COL11A2: variants seen among roughly 807,000 people sequenced by gnomAD.
COL11A2 encodes the protein collagen type XI alpha 2 chain.
In COL11A2, 116 loss-of-function variants were observed where a neutral mutation model predicts 273.4. The observed-to-expected ratio is 0.42, with a 90% CI of 0.36 to 0.49. COL11A2 has a LOEUF of 0.49. Ranked by LOEUF, COL11A2 falls within the 20% of genes least tolerant of loss-of-function variation. The pLI is 0.00. For synonymous variants in COL11A2, 782 were observed against 864.2 expected (o/e 0.90, Z 1.67); for missense variants, 1,866 against 2,309.0 (o/e 0.81, Z 3.93).
intron 8 of COL11A2, among the ~76,000 whole-genome samples, chr6:33,181,914 ATCTC>A (rs933426449): frequency 1.1e-4 from 17 of 152,362 alleles, no homozygotes; most frequent in African/African-American, 4.1e-4. Flanking sequence ...TCATAAAAGA[ATCTC>A]TCTAAGATTG....
rs139969885 is a variant in COL11A2 at position 33,185,573 on chromosome 6, A to G, written c.876+128T>C. On this transcript the variant is annotated intron_variant, in intron 6 of 65. Coordinates refer to ENST00000341947, the MANE Select transcript of COL11A2 (RefSeq NM_080680.3). ...GACAGGGAGGGGGCAGGAACTAAGT[A>G]AATCCCCATAATCTAAACACACTGT... 0.01 allele frequency: 5,052 copies of G among 494,778 alleles called. 48 individuals carry two copies. Among genetic ancestry groups the G allele is most frequent in the Non-Finnish European group, 0.015 (3,593 of 245,606 alleles). The allele number at this position is 494,778 out of a possible 1,614,324, so 30.6% of individuals were successfully genotyped here.
rs980853833 is a variant in COL11A2 at position 33,179,297 on chromosome 6, AGAGAGGAT to A, written c.1504-21_1504-14del. 1 of 1,608,712 alleles carries A rather than the reference AGAGAGGAT, an allele frequency of 6.2e-7. No individual in the cohort carries two copies. ...TCCCAGGTTGGCCCTGGGAGAGAGAAGAGAGGATGGCCGTAAGGAAGGACACAGCCAAC... is the reference window on the plus strand; with the variant it reads ...TCCCAGGTTGGCCCTGGGAGAGAGAAGGCCGTAAGGAAGGACACAGCCAAC... On this transcript the variant is annotated splice_polypyrimidine_tract_variant and intron_variant, in intron 14 of 65. Coordinates refer to ENST00000341947, the MANE Select transcript of COL11A2 (RefSeq NM_080680.3). The surrounding 1 kb of genome is among the most constrained non-coding windows in gnomAD (Gnocchi z 6.4).
At position 33,192,373 on chromosome 6, in the gene COL11A2, G is replaced by A; in HGVS notation, c.-133C>T. 2.3e-6 allele frequency: 2 copies of A among 880,864 alleles called. No individual in the cohort carries two copies. The highest frequency in any genetic ancestry group is 1.4e-5 in the South Asian group (1 of 70,196). The allele number at this position is 880,864 out of a possible 1,614,324, so 54.6% of individuals were successfully genotyped here. ...GGGTCCCAGGGAGGTCAGAGGCTGC[G>A]GGCAGCGACAGCTGTCAGCGGCCCA... On this transcript the variant is annotated 5_prime_UTR_variant, in exon 1 of 66. Coordinates refer to ENST00000341947, the MANE Select transcript of COL11A2 (RefSeq NM_080680.3).
chr6:33,166,542 T>C lies in COL11A2; in HGVS notation c.4363A>G (p.Ile1455Val), dbSNP rs1444527516. ...EMGIPGASGP[I>V]GPGGPPGLPG... ...AGGCCGGGGGGACCTCCAGGACCAA[T>C]GGGGCCGGATGCTCCTGGGATACCC... The change falls in exon 60 of 66, where the codon ATT becomes GTT. Residue 1455 changes from isoleucine to valine, a missense_variant. By Grantham distance (29) the Ile-to-Val change is conservative. Transcript: ENST00000341947. The surrounding 1 kb of genome is among the most constrained non-coding windows in gnomAD (Gnocchi z 4.8). 2 of 1,613,590 alleles carry C rather than the reference T, an allele frequency of 1.2e-6. No homozygotes were observed. The highest frequency in any genetic ancestry group is 1.7e-6 in the Non-Finnish European group (2 of 1,179,832).
At position 33,189,289 on chromosome 6, in the gene COL11A2, C is replaced by T; in HGVS notation, c.232+31G>A. The T allele has an allele frequency of 6.2e-7, 1 of 1,614,036 alleles. No homozygotes were observed. Among genetic ancestry groups the T allele is most frequent in the Non-Finnish European group, 8.5e-7 (1 of 1,180,000 alleles). On this transcript the variant is annotated intron_variant, in intron 2 of 65. Transcript: ENST00000341947. The surrounding 1 kb of genome is among the most constrained non-coding windows in gnomAD (Gnocchi z 5.6). ...TCCTAGGCCCCATCCCATTACCTCCCCCCAGGCCTACCCCACCATGTCACC... is the reference window on the plus strand; with the variant it reads ...TCCTAGGCCCCATCCCATTACCTCCTCCCAGGCCTACCCCACCATGTCACC...
chr6:33,172,326 C>G lies in COL11A2; in HGVS notation c.2951G>C (p.Arg984Thr). The change falls in exon 40 of 66, where the codon AGG becomes ACG. Residue 984 changes from arginine (R) to threonine (T), a missense_variant. By Grantham distance (71) the Arg-to-Thr change is moderately conservative. Transcript: ENST00000341947. ...APGKDGPAGL[R>T]GFPGERGLPG... Reference sequence around the variant, plus strand: ...GAGGCCTCTCTCTCCTGGGAATCCCCTCAGACCAGCAGGACCATCCTTCCC... The same window carrying G: ...GAGGCCTCTCTCTCCTGGGAATCCCGTCAGACCAGCAGGACCATCCTTCCC... 1 of 1,589,164 alleles carries G rather than the reference C, an allele frequency of 6.3e-7. No individual in the cohort carries two copies. Among genetic ancestry groups the G allele is most frequent in the Non-Finnish European group, 8.6e-7 (1 of 1,168,580 alleles).
Position 33,170,129 on chromosome 6 carries a change from T to C in COL11A2, c.3583-29A>G. On this transcript the variant is annotated intron_variant, in intron 48 of 65. Coordinates refer to ENST00000341947, the MANE Select transcript of COL11A2 (RefSeq NM_080680.3). The surrounding 1 kb of genome is among the most constrained non-coding windows in gnomAD (Gnocchi z 4.3). ...GAAGAGGAACAGAAATAGGTGTCATTGCTTAGGATGGAGGTGCCATTTCAG... is the reference window on the plus strand; with the variant it reads ...GAAGAGGAACAGAAATAGGTGTCATCGCTTAGGATGGAGGTGCCATTTCAG... 6.2e-7 allele frequency: 1 copy of C among 1,612,788 alleles called. No individual in the cohort carries two copies. The highest frequency in any genetic ancestry group is 8.5e-7 in the Non-Finnish European group (1 of 1,179,934).
rs1228376184 is a variant in COL11A2, at chr6:33,179,208, G to A, written c.1557+23C>T. The A allele has an allele frequency of 3.1e-6, 5 of 1,612,038 alleles. No homozygotes were observed. Among genetic ancestry groups the A allele is most frequent in the Non-Finnish European group, 4.2e-6 (5 of 1,179,346 alleles). ...ACTGAGCTGGTGAACAGATATGGGG[G>A]TGCAGTGGAGGAAAGTGGTCACCTG... On this transcript the variant is annotated intron_variant, in intron 15 of 65. Coordinates refer to ENST00000341947, the MANE Select transcript of COL11A2 (RefSeq NM_080680.3). The surrounding 1 kb of genome is among the most constrained non-coding windows in gnomAD (Gnocchi z 6.4).
chr6:33,172,669 A>G, intron 38 of COL11A2, 32 bp from the exon 39 acceptor site: 1 of 1,574,098 alleles, frequency 6.4e-7, no homozygotes, highest in Non-Finnish European at 8.7e-7. Context: ...TCCTGCTCTC[A>G]GGCCCTTCAT....
In COL11A2 at chr6:33,164,947, G is replaced by A. The variant is rs1287709299; in HGVS notation, c.4768C>T (p.Pro1590Ser). 1 of 1,575,972 alleles carries A rather than the reference G, an allele frequency of 6.3e-7. No individual in the cohort carries two copies. The highest frequency in any genetic ancestry group is 2.3e-5 in the East Asian group (1 of 43,282). Residue 1590 changes from proline to serine, a missense_variant, in exon 64 of 66, where the codon CCC becomes TCC. Coordinates refer to ENST00000341947, the MANE Select transcript of COL11A2 (RefSeq NM_080680.3). This position sits in a 1 kb window ranked among gnomAD's most constrained non-coding sequence, Gnocchi z 4.7. ...ELPDGEYWVDPNQGCARDAFR... is the reference protein window; with the variant it reads ...ELPDGEYWVDSNQGCARDAFR... Reference sequence around the variant, plus strand: ...GCATCCCGAGCACAGCCCTGGTTGGGGTCGACCCAGTACTCTCCTGTTGGG... The same window carrying A: ...GCATCCCGAGCACAGCCCTGGTTGGAGTCGACCCAGTACTCTCCTGTTGGG...
Position 33,177,533 on chromosome 6 carries a change from G to A in COL11A2, c.1918-68C>T. On this transcript the variant is annotated intron_variant, in intron 22 of 65. Coordinates refer to ENST00000341947, the MANE Select transcript of COL11A2 (RefSeq NM_080680.3). The surrounding 1 kb of genome is among the most constrained non-coding windows in gnomAD (Gnocchi z 5.9). ...TAGAACACATTTAGAGCATGGAGCTGAGTCCCAGCAGCGATAGCCAAGAAG... is the reference window on the plus strand; with the variant it reads ...TAGAACACATTTAGAGCATGGAGCTAAGTCCCAGCAGCGATAGCCAAGAAG... 6.3e-7 allele frequency: 1 copy of A among 1,593,300 alleles called. No individual in the cohort carries two copies. Among genetic ancestry groups the A allele is most frequent in the Middle Eastern group, 1.7e-4 (1 of 6,026 alleles).
In COL11A2 at chr6:33,178,945, C is replaced by G. The variant is rs1158926418; in HGVS notation, c.1640G>C (p.Gly547Ala). The G allele has an allele frequency of 5.0e-6, 8 of 1,614,004 alleles. No individual in the cohort carries two copies. The East Asian group carries it at 1.8e-4, about 36-fold the overall frequency. Reference sequence around the variant, plus strand: ...CTTCACTCCAGGATCTCCAGGCATCCCTCGGGCTCCATCAGCACCTGCCCG... The same window carrying G: ...CTTCACTCCAGGATCTCCAGGCATCGCTCGGGCTCCATCAGCACCTGCCCG... ...RGRAGADGAR[G>A]MPGDPGVKGD... Residue 547 changes from glycine (G) to alanine (A), a missense_variant, in exon 17 of 66, where the codon GGG becomes GCG. Physicochemically the swap from Gly to Ala is moderately conservative, Grantham distance 60. Coordinates refer to ENST00000341947, the MANE Select transcript of COL11A2 (RefSeq NM_080680.3). This position sits in a 1 kb window ranked among gnomAD's most constrained non-coding sequence, Gnocchi z 4.6.
chr6:33,181,334 C>A (rs1001257347), intron 8 of COL11A2, among the ~76,000 whole-genome samples, 164 bp from the exon 9 acceptor site: 3 of 151,228 alleles, frequency 2.0e-5, no homozygotes, highest in South Asian at 2.1e-4. Context: ...CTTCACAAAC[C>A]TTTCAAGCCT....
chr6:33,169,092 T>C lies in COL11A2; in HGVS notation c.3799-84A>G. 7.3e-7 allele frequency: 1 copy of C among 1,370,182 alleles called. No homozygotes were observed. The highest frequency in any genetic ancestry group is 2.3e-5 in the East Asian group (1 of 43,138). 84.9% of individuals were successfully genotyped at this position (1,370,182 alleles called of 1,614,324 possible). On this transcript the variant is annotated intron_variant, in intron 51 of 65. Transcript: ENST00000341947. This position sits in a 1 kb window ranked among gnomAD's most constrained non-coding sequence, Gnocchi z 5.5. ...ACGCCCACAGGCACACGCCACTGCC[T>C]CTCTAGAGGCAGTGCCCACCAGTAC... is the stretch of plus-strand genomic sequence containing the variant.
Position 33,178,883 on chromosome 6 carries a change from A to G in COL11A2, c.1665+37T>C. On this transcript the variant is annotated intron_variant, in intron 17 of 65. Coordinates refer to ENST00000341947, the MANE Select transcript of COL11A2 (RefSeq NM_080680.3). This position sits in a 1 kb window ranked among gnomAD's most constrained non-coding sequence, Gnocchi z 4.6. Reference sequence around the variant, plus strand: ...AACAACTGAGCCCAGCGTGGGCTGAAGGCTACAGGCTTCAGGGAGGGGCCC... The same window carrying G: ...AACAACTGAGCCCAGCGTGGGCTGAGGGCTACAGGCTTCAGGGAGGGGCCC... 1 of 1,613,418 alleles carries G rather than the reference A, an allele frequency of 6.2e-7. No individual in the cohort carries two copies. Among genetic ancestry groups the G allele is most frequent in the Admixed American group, 1.7e-5 (1 of 60,010 alleles).
intron 6 of COL11A2, 48 bp downstream of exon 6, chr6:33,185,652 TG>T (rs1202324969): frequency 2.3e-6 from 2 of 879,930 alleles, no homozygotes; most frequent in Non-Finnish European, 3.5e-6. Context: ...AGATGATTGC[TG>T]GGGGTGCTGG....
Position 33,177,656 on chromosome 6 carries a change from A to G in COL11A2, c.1917+6T>C. On this transcript the variant is annotated splice_donor_region_variant and intron_variant, in intron 22 of 65. Transcript: ENST00000341947. This position sits in a 1 kb window ranked among gnomAD's most constrained non-coding sequence, Gnocchi z 5.9. Reference sequence around the variant, plus strand: ...ATGGGGGTGGGATCTCCTATCCATCACTCACCAAGCTCCCTTTGGGGCCCT... The same window carrying G: ...ATGGGGGTGGGATCTCCTATCCATCGCTCACCAAGCTCCCTTTGGGGCCCT... 9 of 1,612,792 alleles carry G rather than the reference A, an allele frequency of 5.6e-6. No homozygotes were observed. Among genetic ancestry groups the G allele is most frequent in the Non-Finnish European group, 7.6e-6 (9 of 1,179,930 alleles).
intron 1 of COL11A2, 78 bp downstream of exon 1, chr6:33,192,081 G>T: frequency 1.5e-6 from 2 of 1,329,718 alleles, no homozygotes; most frequent in Non-Finnish European, 2.1e-6. Context: ...GCTGCCCCAG[G>T]CATCAGCTGG....
At position 33,166,986 on chromosome 6, in the gene COL11A2, G is replaced by A. The variant is rs1769246135; in HGVS notation, c.4230+84C>T. The A allele has an allele frequency of 1.3e-6, 2 of 1,588,162 alleles. No homozygotes were observed. On this transcript the variant is annotated intron_variant, in intron 58 of 65. Transcript: ENST00000341947. The surrounding 1 kb of genome is among the most constrained non-coding windows in gnomAD (Gnocchi z 4.8). ...GACTGGCTGCCGGAGGCCTGAAGCA[G>A]AGCAGTGGGCACTTGGGTCCCACAG... is the stretch of plus-strand genomic sequence containing the variant.
Sources: allele counts gnomAD v4.1 joint callset (sites outside exome capture counted in the v4.1 genomes callset), GRCh38; gene constraint gnomAD v4.1.1; non-coding constraint Gnocchi (gnomAD v3.1); transcripts MANE v1.5; gene names NCBI Gene and HGNC (gene_info 2026-07-23, HGNC 2026-07-21).